Variants in SMURF2 observed in about 807,000 individuals in gnomAD.
SMURF2 encodes E3 ubiquitin-protein ligase SMURF2.
Under a neutral mutation model 109.6 loss-of-function variants are expected in SMURF2, and 48 were observed. That is an observed-to-expected ratio of 0.44 (90% confidence interval 0.35 to 0.56). The LOEUF is 0.56. Ranked by LOEUF, SMURF2 falls within the 20% of genes least tolerant of loss-of-function variation. The pLI, the probability that SMURF2 is intolerant of heterozygous loss-of-function variation, is 0.01. For missense variants in SMURF2, 575 were observed against 909.0 expected, an observed-to-expected ratio of 0.63 and a Z score of 4.72; for synonymous variants, 288 against 317.1, an observed-to-expected ratio of 0.91 and a Z score of 0.97.
At chr17:64,605,568 GTAAA>G (rs1404568925) in intron 2 of SMURF2, among the ~76,000 whole-genome samples, 2 of 150,664 alleles carry the variant, frequency 1.3e-5, no homozygotes, top group Non-Finnish European at 3.0e-5. Context: ...ACAAAGAATA[GTAAA>G]TAAATAAATA....
chr17:64,655,232 T>C (rs1970690261), intron 1 of SMURF2, among the ~76,000 whole-genome samples: 1 of 149,122 alleles, frequency 6.7e-6, no homozygotes, highest in Non-Finnish European at 1.5e-5. Flanking sequence ...GCAATTCTAA[T>C]GACAATCCCA....
chr17:64,557,525 A>T, intron 13 of SMURF2, 83 bp downstream of exon 13: 1 of 955,874 alleles, frequency 1.0e-6, no homozygotes, highest in Non-Finnish European at 1.6e-6. Flanking sequence ...AAGGACAAAT[A>T]ATTTCTATAT....
chr17:64,565,179 C>T (rs370382280), intron 10 of SMURF2, among the ~76,000 whole-genome samples: 1 of 152,090 alleles, frequency 6.6e-6, no homozygotes, highest in Non-Finnish European at 1.5e-5. Flanking sequence ...AGGACAAAAA[C>T]GGACACAGGA....
chr17:64,633,577 G>C (rs1211548075), intron 1 of SMURF2, among the ~76,000 whole-genome samples: 1 of 152,078 alleles, frequency 6.6e-6, no homozygotes. Flanking sequence ...TCACTTTGTT[G>C]CAAGTTTAAA....
intron 15 of SMURF2, among the ~76,000 whole-genome samples, chr17:64,552,061 A>T (rs193144632): frequency 8.1e-4 from 124 of 152,338 alleles, no homozygotes; most frequent in African/African-American, 2.6e-3. Context: ...TCTTTCACTC[A>T]AAAATGACTT....
At chr17:64,551,966 G>GA (rs1969051942) in intron 15 of SMURF2, among the ~76,000 whole-genome samples, 1 of 152,146 alleles carries the variant, frequency 6.6e-6, no homozygotes, top group Admixed American at 6.5e-5. Flanking sequence ...AAGCTCCCAG[G>GA]AAACAGGACG....
intron 3 of SMURF2, among the ~76,000 whole-genome samples, chr17:64,597,591 G>A (rs1969835815): frequency 1.3e-5 from 2 of 151,708 alleles, no homozygotes; most frequent in Non-Finnish European, 1.5e-5. Flanking sequence ...TGGCCAACAT[G>A]GTGAAATCCC....
intron 10 of SMURF2, 49 bp from the exon 11 acceptor site, chr17:64,563,015 AT>A (rs1203941807): frequency 8.2e-6 from 12 of 1,466,826 alleles, no homozygotes; most frequent in Non-Finnish European, 1.1e-5. Flanking sequence ...AATTTTAAAA[AT>A]TGCAATTATA....
intron 14 of SMURF2, 38 bp downstream of exon 14, chr17:64,555,782 A>G: frequency 3.6e-6 from 5 of 1,392,026 alleles, no homozygotes; most frequent in Non-Finnish European, 4.8e-6. Context: ...TTTAAAGCTC[A>G]GAGTTTATAA....
chr17:64,588,300 G>C (rs183993310), intron 5 of SMURF2, among the ~76,000 whole-genome samples: 282 of 151,988 alleles, frequency 1.9e-3, no homozygotes, highest in African/African-American at 6.5e-3. Context: ...AAAAAAGTTT[G>C]TACTCCTTGA....
In SMURF2 at chr17:64,553,168, C is replaced by CA. The variant is rs1356429001; in HGVS notation, c.1749-1465dup. Among the ~76,000 whole-genome samples the CA allele has an allele frequency of 2.0e-5, 3 of 152,030 alleles. No homozygotes were observed. In the East Asian group the frequency reaches 5.8e-4, roughly 29 times the overall value. ...ATCATCTCCACTCCCTCATCCTAGG[C>CA]AAAAACTTTATTTGGTTGCAGCCTC... On this transcript the variant is annotated intron_variant, in intron 15 of 18. Transcript: ENST00000262435.
At chr17:64,618,487 C>T (rs1253813701) in intron 1 of SMURF2, among the ~76,000 whole-genome samples, 2 of 152,110 alleles carry the variant, frequency 1.3e-5, no homozygotes, top group African/African-American at 2.4e-5. Context: ...CACAAAAGTA[C>T]CGTTCTCCAT....
At chr17:64,573,142 AGG>A (rs1969425618) in intron 9 of SMURF2, 1 of 36,876 alleles carries the variant, frequency 2.7e-5, no homozygotes, top group Non-Finnish European at 4.7e-5. Context: ...GAGGAGGAGG[AGG>A]AGGAGGAGGA....
chr17:64,578,533 T>C lies in SMURF2; in HGVS notation c.816A>G (p.Thr272=), dbSNP rs782128241. 3 of 1,613,876 alleles carry C rather than the reference T, an allele frequency of 1.9e-6. No homozygotes were observed. Among genetic ancestry groups the C allele is most frequent in the South Asian group, 1.1e-5 (1 of 91,084 alleles). ...CATGCCATGTGCTCACACCAGTCTG[T>C]GTATGTAAGAAATACACCTGGCCTT... is the stretch of plus-strand genomic sequence containing the variant. The part of the protein sequence containing the change: ...TQQGQVYFLH[T]QTGVSTWHDP... Residue 272 remains threonine (T), a synonymous_variant, in exon 9 of 19, where the codon ACA becomes ACG. Transcript: ENST00000262435.
chr17:64,608,076 C>CT (rs1291023110), intron 1 of SMURF2, among the ~76,000 whole-genome samples: 2 of 151,520 alleles, frequency 1.3e-5, no homozygotes, highest in African/African-American at 4.8e-5. Flanking sequence ...CTTAAAACTT[C>CT]TTTAACTCAA....
intron 1 of SMURF2, among the ~76,000 whole-genome samples, chr17:64,658,228 G>A (rs776392522): frequency 1.3e-5 from 2 of 151,924 alleles, no homozygotes; most frequent in Non-Finnish European, 2.9e-5. Context: ...GTGGTGGTGG[G>A]CGCCTGTAAT....
At chr17:64,629,793 A>C (rs1239380144) in intron 1 of SMURF2, among the ~76,000 whole-genome samples, 2 of 152,220 alleles carry the variant, frequency 1.3e-5, no homozygotes, top group Non-Finnish European at 2.9e-5. Context: ...AACTCTAAAC[A>C]AATTTTTTAA....
intron 1 of SMURF2, among the ~76,000 whole-genome samples, chr17:64,634,404 C>CA (rs2144713430): frequency 6.6e-6 from 1 of 152,268 alleles, no homozygotes; most frequent in South Asian, 2.1e-4. Flanking sequence ...TAGGATGAGG[C>CA]ATGTATAGAA....
At chr17:64,606,692 T>C in intron 1 of SMURF2, 52 bp from the exon 2 acceptor site, 4 of 1,286,166 alleles carry the variant, frequency 3.1e-6, no homozygotes, top group Non-Finnish European at 4.3e-6. Flanking sequence ...ATGTTAAGAG[T>C]GTACTGTTAC....
Sources: allele counts gnomAD v4.1 joint callset (sites outside exome capture counted in the v4.1 genomes callset), GRCh38; gene constraint gnomAD v4.1.1; transcripts MANE v1.5; gene names NCBI Gene and HGNC (gene_info 2026-07-23, HGNC 2026-07-21).